Variants in PLD5 observed in about 807,000 individuals in gnomAD.
PLD5 encodes the protein inactive phospholipase D5.
PLD5 carries 36 observed loss-of-function variants against 61.1 expected under a neutral mutation model. The observed-to-expected ratio is 0.59, with a 90% confidence interval of 0.45 to 0.78. The LOEUF is 0.78. Among genes scored for constraint, PLD5 ranks in the 30% least tolerant of loss-of-function variants. PLD5 has a pLI of 0.00. For missense variants in PLD5, 515 were observed against 644.4 expected, an observed-to-expected ratio of 0.80 and a Z score of 2.17; for synonymous variants, 243 against 242.8, an observed-to-expected ratio of 1.00 and a Z score of -0.01.
intron 1 of PLD5, among the ~76,000 whole-genome samples, chr1:242,375,879 T>G (rs1030565804): frequency 6.6e-6 from 1 of 152,122 alleles, no homozygotes; most frequent in Non-Finnish European, 1.5e-5. Flanking sequence ...GTGGTTGAAG[T>G]TGCACATCCC....
At chr1:242,444,204 T>C (rs910372120) in intron 1 of PLD5, among the ~76,000 whole-genome samples, 2 of 152,158 alleles carry the variant, frequency 1.3e-5, no homozygotes, top group Non-Finnish European at 2.9e-5. Flanking sequence ...CTTGACACCA[T>C]CTTCAAGGAG....
chr1:242,524,883 T>C (rs1669403191), upstream of PLD5, among the ~76,000 whole-genome samples: 1 of 151,876 alleles, frequency 6.6e-6, no homozygotes, highest in Non-Finnish European at 1.5e-5. Context: ...CCGAGCAGGC[T>C]ACACCTCTCC....
In PLD5 at chr1:242,243,975, T is replaced by C. The variant is rs75922568; in HGVS notation, c.607+21362A>G. The stretch of plus-strand genomic sequence containing the variant: ...TGGTATTCCCATTTCTGGATCAAAA[T>C]GATTTAGAAGGCATAAGAGCAATTT... On this transcript the variant is annotated intron_variant, in intron 4 of 9. Coordinates refer to ENST00000536534, the MANE Select transcript of PLD5 (RefSeq NM_001372062.1). Among the ~76,000 whole-genome samples the C allele has an allele frequency of 6.8e-3, 1,028 of 152,296 alleles. 21 individuals carry two copies. The highest frequency in any genetic ancestry group is 0.058 in the East Asian group (298 of 5,174).
chr1:242,459,194 A>G (rs1014970446), intron 1 of PLD5, among the ~76,000 whole-genome samples: 1 of 152,220 alleles, frequency 6.6e-6, no homozygotes, highest in African/African-American at 2.4e-5. Context: ...TAATTTTTGT[A>G]TAACTCCGTT....
chr1:242,530,092 C>A, the PLD5 span, among the ~76,000 whole-genome samples: 8 of 152,142 alleles, frequency 5.3e-5, no homozygotes, highest in African/African-American at 1.9e-4. Context: ...TGGGGTTTCA[C>A]CATATTGGCT....
At chr1:242,325,876 T>G (rs1412286514) in intron 2 of PLD5, among the ~76,000 whole-genome samples, 1 of 152,082 alleles carries the variant, frequency 6.6e-6, no homozygotes, top group Non-Finnish European at 1.5e-5. Context: ...TATAGTCACA[T>G]AGCATTTATT....
intron 2 of PLD5, among the ~76,000 whole-genome samples, chr1:242,313,026 T>C (rs1312942952): frequency 6.6e-6 from 1 of 152,206 alleles, no homozygotes; most frequent in Non-Finnish European, 1.5e-5. Flanking sequence ...GCTTCTTCCT[T>C]ATCGTACCCA....
chr1:242,422,490 C>T (rs1469799973), intron 1 of PLD5, among the ~76,000 whole-genome samples: 3 of 152,174 alleles, frequency 2.0e-5, no homozygotes, highest in African/African-American at 7.2e-5. Flanking sequence ...TCTTCAAATA[C>T]ATATAACTTA....
Position 242,504,477 on chromosome 1 carries a change from G to T in PLD5, c.189+19611C>A, listed in dbSNP as rs542886595. On this transcript the variant is annotated intron_variant, in intron 1 of 9. Coordinates refer to ENST00000536534, the MANE Select transcript of PLD5 (RefSeq NM_001372062.1). The stretch of plus-strand genomic sequence containing the variant: ...ATCATCCTTGAATAAAGCCAAGAAG[G>T]TTACTCAATTCATTTTCATACTAAA... 8.5e-5 allele frequency among the ~76,000 whole-genome samples: 13 copies of T among 152,268 alleles called. No homozygotes were observed. The South Asian group carries it at 2.7e-3, about 32-fold the overall frequency.
At chr1:242,376,817 C>G in intron 1 of PLD5, 1 of 1,180,254 alleles carries the variant, frequency 8.5e-7, no homozygotes. Flanking sequence ...TTGCAACAGC[C>G]TAGACAGTAC....
intron 2 of PLD5, among the ~76,000 whole-genome samples, chr1:242,289,255 T>C (rs939426463): frequency 6.6e-6 from 1 of 152,240 alleles, no homozygotes; most frequent in Non-Finnish European, 1.5e-5. Flanking sequence ...GGCTGCCTTT[T>C]TTTCACTTCT....
intron 4 of PLD5, among the ~76,000 whole-genome samples, chr1:242,226,368 A>T (rs1041909763): frequency 5.9e-5 from 9 of 152,290 alleles, no homozygotes; most frequent in Admixed American, 5.2e-4. Flanking sequence ...ATCTCTGCAG[A>T]TCCTCCTACT....
chr1:242,102,978 C>T (rs1660796413), intron 8 of PLD5, among the ~76,000 whole-genome samples: 1 of 152,226 alleles, frequency 6.6e-6, no homozygotes, highest in South Asian at 2.1e-4. Context: ...GAGCAGTTGA[C>T]ATTTCACGCC....
At position 242,174,645 on chromosome 1, in the gene PLD5, A is replaced by G. The variant is rs1409250869; in HGVS notation, c.735+45343T>C. On this transcript the variant is annotated intron_variant, in intron 5 of 9. Coordinates refer to ENST00000536534, the MANE Select transcript of PLD5 (RefSeq NM_001372062.1). ...TTCACAATAGCAAAGACTTGGAACC[A>G]ACCCAAATGTCCATCAATGATAGAT... is the stretch of plus-strand genomic sequence containing the variant. Among the ~76,000 whole-genome samples the G allele has an allele frequency of 2.0e-5, 3 of 152,374 alleles. No individual in the cohort carries two copies. The East Asian group carries it at 5.8e-4, about 29-fold the overall frequency.
In PLD5 at chr1:242,180,920, C is replaced by T. The variant is rs1441515520; in HGVS notation, c.735+39068G>A. Among the ~76,000 whole-genome samples, 3 of 152,128 alleles carry T rather than the reference C, an allele frequency of 2.0e-5. No individual in the cohort carries two copies. In the East Asian group the frequency reaches 5.8e-4, roughly 29 times the overall value. On this transcript the variant is annotated intron_variant, in intron 5 of 9. Transcript: ENST00000536534. ...GTCACCTGAGCCCAGGAGGTCAAGG[C>T]TGCAGTGAGCTGAGATCATGCCACT...
chr1:242,330,610 C>T lies in PLD5; in HGVS notation c.326+17496G>A, dbSNP rs573816403. Among the ~76,000 whole-genome samples the T allele has an allele frequency of 2.0e-4, 31 of 152,230 alleles. 1 individual carries two copies. The South Asian group carries it at 5.2e-3, about 25-fold the overall frequency. On this transcript the variant is annotated intron_variant, in intron 2 of 9. Coordinates refer to ENST00000536534, the MANE Select transcript of PLD5 (RefSeq NM_001372062.1). ...CTGATCATCATTCCTCTTTGTATCT[C>T]TAGCATTAGCACAGTCTTCACACAA...
intron 1 of PLD5, among the ~76,000 whole-genome samples, chr1:242,512,037 G>A (rs1013854692): frequency 1.3e-5 from 2 of 152,122 alleles, no homozygotes; most frequent in Non-Finnish European, 1.5e-5. Context: ...TTCAGGGAAT[G>A]GAAAACTTAG....
chr1:242,220,079 T>A lies in PLD5; in HGVS notation c.644A>T (p.Asn215Ile). 6.2e-7 allele frequency: 1 copy of A among 1,614,210 alleles called. No individual in the cohort carries two copies. The highest frequency in any genetic ancestry group is 2.2e-5 in the East Asian group (1 of 44,880). Reference sequence around the variant, plus strand: ...GAAGGAGGACTGCAGCCGGCCCTTGTTGTAAGCGGTCATGTTCATGTACGT... The same window carrying A: ...GAAGGAGGACTGCAGCCGGCCCTTGATGTAAGCGGTCATGTTCATGTACGT... ...EVTYMNMTAYNKGRLQSSFWI... is the reference protein window; with the variant it reads ...EVTYMNMTAYIKGRLQSSFWI... Residue 215 changes from asparagine to isoleucine, a missense_variant, in exon 5 of 10, where the codon AAC becomes ATC. Physicochemically the swap from Asn to Ile is moderately radical, Grantham distance 149. Transcript: ENST00000536534.
rs185470417 is a variant in PLD5 at position 242,465,272 on chromosome 1, C to T, written c.189+58816G>A. On this transcript the variant is annotated intron_variant, in intron 1 of 9. Transcript: ENST00000536534. The stretch of plus-strand genomic sequence containing the variant: ...AAAATACATAAATATATCCAGAAGC[C>T]GAACCTTTCTCACCTGCACACTATT... Among the ~76,000 whole-genome samples the T allele has an allele frequency of 9.2e-5, 14 of 152,260 alleles. No individual in the cohort carries two copies. In the East Asian group the frequency reaches 1.4e-3, roughly 15 times the overall value.
Sources: gnomAD v4.1 joint callset for allele counts (sites outside exome capture counted in the v4.1 genomes callset) on GRCh38, gnomAD v4.1.1 for gene constraint, MANE v1.5 for transcripts, NCBI Gene and HGNC (gene_info 2026-07-23, HGNC 2026-07-21) for gene names.